HEATR5B: variants seen among roughly 807,000 people sequenced by gnomAD.
The protein encoded by HEATR5B is HEAT repeat containing 5B.
Under a neutral mutation model 224.1 loss-of-function variants are expected in HEATR5B, and 156 were observed. The ratio of observed to expected loss-of-function variants is 0.70; its 90% CI spans 0.61 to 0.80. The LOEUF (loss-of-function observed/expected upper bound fraction) is 0.80. HEATR5B is among the 30% of genes least tolerant of loss of function. The probability of loss-of-function intolerance (pLI) is 0.00; values close to 1 mark genes in which losing one functional copy is unlikely to be tolerated. For synonymous variants in HEATR5B, 1,027 were observed against 893.0 expected (o/e 1.15, Z -2.68); for missense variants, 2,323 against 2,535.5 (o/e 0.92, Z 1.80).
rs189756810 is a variant in HEATR5B, at chr2:37,002,624, A to C, written c.5051-52T>G. 4.7e-4 allele frequency: 736 copies of C among 1,565,710 alleles called. 4 individuals carry two copies. The Admixed American group carries it at 0.012, about 26-fold the overall frequency. ...TTTCCAGCCAAAAAAAAGTATGTAAAACAACACAAGTATATTTAGGAAATT... is the reference window on the plus strand; with the variant it reads ...TTTCCAGCCAAAAAAAAGTATGTAACACAACACAAGTATATTTAGGAAATT... On this transcript the variant is annotated intron_variant, in intron 31 of 35. Coordinates refer to ENST00000233099, the MANE Select transcript of HEATR5B (RefSeq NM_019024.3).
At chr2:36,993,260 A>T (rs1366732100) in intron 33 of HEATR5B, among the ~76,000 whole-genome samples, 4 of 152,096 alleles carry the variant, frequency 2.6e-5, no homozygotes, top group Non-Finnish European at 4.4e-5. Context: ...GGCCGGGTGC[A>T]GTGGCTCATG....
chr2:37,036,454 A>G (rs1172371117), intron 21 of HEATR5B, among the ~76,000 whole-genome samples: 2 of 152,046 alleles, frequency 1.3e-5, no homozygotes, highest in South Asian at 4.2e-4. Context: ...GTCTACTTCA[A>G]TATCATGCCC....
At position 37,059,001 on chromosome 2, in the gene HEATR5B, T is replaced by C; in HGVS notation, c.1850-14A>G. ...AGCTCCTCATGGCTAGATAAAATGT[T>C]TAAAAGGACAGATTTGGAGTAGCTT... On this transcript the variant is annotated splice_polypyrimidine_tract_variant and intron_variant, in intron 12 of 35. Coordinates refer to ENST00000233099, the MANE Select transcript of HEATR5B (RefSeq NM_019024.3). 6.5e-7 allele frequency: 1 copy of C among 1,540,044 alleles called. No individual in the cohort carries two copies. Among genetic ancestry groups the C allele is most frequent in the Non-Finnish European group, 8.9e-7 (1 of 1,119,334 alleles).
chr2:37,031,488 C>A (rs928428178), intron 22 of HEATR5B, among the ~76,000 whole-genome samples: 3 of 140,286 alleles, frequency 2.1e-5, no homozygotes, highest in African/African-American at 8.0e-5. Context: ...CCAGGTTGGA[C>A]TTGAACTCCT....
At chr2:37,057,524 G>C in intron 14 of HEATR5B, 44 bp from the exon 15 acceptor site, 1 of 1,400,350 alleles carries the variant, frequency 7.1e-7, no homozygotes, top group Non-Finnish European at 9.7e-7. Flanking sequence ...AATAATTTTT[G>C]TGAAAATTAT....
Position 37,064,838 on chromosome 2 carries a change from T to A in HEATR5B, c.1486A>T (p.Thr496Ser). 1 of 1,614,020 alleles carries A rather than the reference T, an allele frequency of 6.2e-7. No homozygotes were observed. The highest frequency in any genetic ancestry group is 8.5e-7 in the Non-Finnish European group (1 of 1,180,002). ...TATCCACTGACAGCTTCTGGTGAGG[T>A]CTTCAAGTTGTTGAGCCGTTCTGCA... The part of the protein sequence containing the change: ...RCAERLNNLK[T>S]SPEAVSGYSF... Residue 496 changes from threonine to serine, a missense_variant, in exon 10 of 36, where the codon ACC (threonine) becomes TCC (serine). Coordinates refer to ENST00000233099, the MANE Select transcript of HEATR5B (RefSeq NM_019024.3).
In HEATR5B at chr2:37,053,575, A is replaced by C. The variant is rs752785134; in HGVS notation, c.2432T>G (p.Val811Gly). Residue 811 changes from valine (V) to glycine (G), a missense_variant, in exon 17 of 36, where the codon GTT (valine) becomes GGT (glycine). Around this residue, in one of 12 missense-constraint regions of HEATR5B, gnomAD observed 170 missense variants for 216.7 expected, o/e 0.78. Transcript: ENST00000233099. ...LQMLDHFAECVKQAKGVRQQA... is the reference protein window; with the variant it reads ...LQMLDHFAECGKQAKGVRQQA... ...CTGGCGGACACCTTTAGCTTGTTTA[A>C]CACATTCAGCAAAGTGATCCAACAT... 1 of 1,607,812 alleles carries C rather than the reference A, an allele frequency of 6.2e-7. No individual in the cohort carries two copies. The highest frequency in any genetic ancestry group is 8.5e-7 in the Non-Finnish European group (1 of 1,175,410).
rs1457006376 is a variant in HEATR5B, at chr2:37,061,812, C to A, written c.1696+127G>T. 3 of 597,306 alleles carry A rather than the reference C, an allele frequency of 5.0e-6. No homozygotes were observed. The East Asian group carries it at 8.6e-5, about 17-fold the overall frequency. The allele number at this position is 597,306 out of a possible 1,614,324, so 37.0% of individuals were successfully genotyped here. A position where few individuals can be genotyped will look rare whatever the true frequency, so the allele number is the denominator to read the frequency against. On this transcript the variant is annotated intron_variant, in intron 11 of 35. Transcript: ENST00000233099. ...TACTAGCAAATGACGAGGAAAACATCTTTACACCATTTTTACAACTTCAAT... is the reference window on the plus strand; with the variant it reads ...TACTAGCAAATGACGAGGAAAACATATTTACACCATTTTTACAACTTCAAT...
intron 24 of HEATR5B, among the ~76,000 whole-genome samples, chr2:37,025,938 A>C (rs557423614): frequency 2.6e-5 from 4 of 152,304 alleles, no homozygotes; most frequent in African/African-American, 4.8e-5. Flanking sequence ...TAGGCAGAAT[A>C]TTAGCACCCC....
intron 8 of HEATR5B, 98 bp downstream of exon 8, chr2:37,068,583 A>G: frequency 3.1e-6 from 4 of 1,285,378 alleles, no homozygotes; most frequent in Non-Finnish European, 4.3e-6. Context: ...AAACACACAG[A>G]AAGATAAACT....
At chr2:37,081,970 C>A in intron 2 of HEATR5B, among the ~76,000 whole-genome samples, 1 of 150,130 alleles carries the variant, frequency 6.7e-6, no homozygotes. Context: ...AAAGACTGGC[C>A]CTGCTGAGAA....
intron 24 of HEATR5B, among the ~76,000 whole-genome samples, chr2:37,024,082 TA>T (rs1280357448): frequency 6.6e-6 from 1 of 152,192 alleles, no homozygotes; most frequent in African/African-American, 2.4e-5. Context: ...TAGAAAAGAA[TA>T]AAGTCCTATT....
At position 37,015,379 on chromosome 2, in the gene HEATR5B, T is replaced by C. The variant is rs143930725; in HGVS notation, c.4105-1359A>G. Among the ~76,000 whole-genome samples the C allele has an allele frequency of 2.8e-4, 43 of 152,260 alleles. No homozygotes were observed. The East Asian group carries it at 3.9e-3, about 14-fold the overall frequency. On this transcript the variant is annotated intron_variant, in intron 26 of 35. Coordinates refer to ENST00000233099, the MANE Select transcript of HEATR5B (RefSeq NM_019024.3). ...ACTTCTGTATAAGAAAAAATGTATATAGACAGTAAGTAATATGTTAAGTGT... is the reference window on the plus strand; with the variant it reads ...ACTTCTGTATAAGAAAAAATGTATACAGACAGTAAGTAATATGTTAAGTGT...
intron 17 of HEATR5B, among the ~76,000 whole-genome samples, chr2:37,053,217 G>A (rs893433236): frequency 3.3e-5 from 5 of 152,166 alleles, no homozygotes; most frequent in African/African-American, 9.7e-5. Context: ...TAGAATATCC[G>A]ATTTCATTCG....
chr2:37,026,012 T>C (rs1341840729), intron 24 of HEATR5B, among the ~76,000 whole-genome samples: 3 of 152,224 alleles, frequency 2.0e-5, no homozygotes, highest in Non-Finnish European at 4.4e-5. Context: ...AAAGGGACTT[T>C]GCAGATGTGA....
chr2:37,003,560 C>T lies in HEATR5B; in HGVS notation c.5032G>A (p.Glu1678Lys). The change falls in exon 31 of 36, where the codon GAG (glutamate) becomes AAG (lysine). Residue 1678 changes from glutamate to lysine, a missense_variant. By Grantham distance (56) the Glu-to-Lys change is moderately conservative. Transcript: ENST00000233099. ...TGCTTACTTAGAGTGTTTCTTTTCT[C>T]TTGCAAATAATCCTGAGCAGCTCTT... ...IVRAAQDYLQEKRNTLNEDDM... is the reference protein window; with the variant it reads ...IVRAAQDYLQKKRNTLNEDDM... The T allele has an allele frequency of 6.2e-7, 1 of 1,606,588 alleles. No individual in the cohort carries two copies.
At chr2:37,018,380 AT>A (rs1321735593) in intron 26 of HEATR5B, among the ~76,000 whole-genome samples, 1 of 152,192 alleles carries the variant, frequency 6.6e-6, no homozygotes, top group African/African-American at 2.4e-5. Context: ...ATGGACAGTA[AT>A]TTTTTGATAT....
intron 34 of HEATR5B, 124 bp from the exon 35 acceptor site, chr2:36,988,983 T>TTTG: frequency 1.5e-6 from 1 of 685,546 alleles, no homozygotes; most frequent in Non-Finnish European, 2.4e-6. Context: ...AAATTACATT[T>TTTG]TCTACTTAGA....
chr2:37,000,168 C>G (rs1244137931), intron 33 of HEATR5B, among the ~76,000 whole-genome samples: 1 of 151,856 alleles, frequency 6.6e-6, no homozygotes, highest in African/African-American at 2.4e-5. Flanking sequence ...ACCTCCACCT[C>G]CCGGGTTCAA....
Sources: gnomAD v4.1 joint callset for allele counts (sites outside exome capture counted in the v4.1 genomes callset) on GRCh38, gnomAD v4.1.1 for gene constraint, gnomAD v4.1.1 regional missense constraint, MANE v1.5 for transcripts, NCBI Gene and HGNC (gene_info 2026-07-23, HGNC 2026-07-21) for gene names.